USP9X: variants seen among roughly 807,000 people sequenced by gnomAD.
The protein encoded by USP9X is ubiquitin carboxyl-terminal hydrolase 9X.
A neutral mutation model predicts 190.3 loss-of-function variants in USP9X; 7 were observed. The observed-to-expected ratio is 0.04, with a 90% CI of 0.02 to 0.07. The LOEUF (loss-of-function observed/expected upper bound fraction) is 0.07, where lower values mean the gene tolerates loss of function less well. Among genes scored for constraint, USP9X ranks in the 10% least tolerant of loss-of-function variants. The pLI is 1.00. For synonymous variants in USP9X, 645 were observed against 659.5 expected (o/e 0.98, Z 0.34); for missense variants, 1,010 against 1,916.9 (o/e 0.53, Z 8.83).
chrX:41,172,030 A>G (rs1444422593), intron 21 of USP9X, 72 bp downstream of exon 21: 3 of 1,149,649 alleles, frequency 2.6e-6, no homozygotes, highest in African/African-American at 1.8e-5. Context: ...TCTGTTTCTA[A>G]ATGGACCGTG....
chrX:41,208,677 AT>A (rs376230706), intron 32 of USP9X, among the ~76,000 whole-genome samples: 34 of 105,384 alleles, frequency 3.2e-4, no homozygotes, highest in African/African-American at 4.1e-4. Context: ...TTTTTGGTTT[AT>A]TTTTTTTTTA....
chrX:41,171,573 T>C, intron 20 of USP9X: 1 of 336,324 alleles, frequency 3.0e-6, no homozygotes, highest in Non-Finnish European at 5.4e-6. Flanking sequence ...ATGTCCAGAG[T>C]CTAAATTGTA....
chrX:41,219,626 C>G (rs1399616782), intron 38 of USP9X, among the ~76,000 whole-genome samples: 1 of 111,076 alleles, frequency 9.0e-6, no homozygotes, highest in Non-Finnish European at 1.9e-5. Context: ...AGATAGCAGA[C>G]TTGGTCTGTA....
In USP9X at chrX:41,205,501, A is replaced by G. The variant is rs1437785958; in HGVS notation, c.5015+8A>G. 13 of 1,190,923 alleles carry G rather than the reference A, an allele frequency of 1.1e-5. No individual in the cohort carries two copies. The highest frequency in any genetic ancestry group is 5.3e-5 in the African/African-American group (3 of 56,746). The stretch of plus-strand genomic sequence containing the variant: ...ATTTTGGAAACAGTTCAGGTAAACT[A>G]TGGATGGACAGTAATAGAGATACTT... On this transcript the variant is annotated splice_region_variant and intron_variant, in intron 32 of 44. Transcript: ENST00000378308.
At chrX:41,087,149 TTAAA>T (rs1485319925) in intron 1 of USP9X, among the ~76,000 whole-genome samples, 5 of 113,017 alleles carry the variant, frequency 4.4e-5, no homozygotes, top group Non-Finnish European at 9.4e-5. Context: ...GTCTTTTAGT[TTAAA>T]TAAGCAAGTT....
At chrX:41,118,696 CA>C (rs1357697915) in intron 1 of USP9X, among the ~76,000 whole-genome samples, 7 of 111,156 alleles carry the variant, frequency 6.3e-5, no homozygotes, top group Non-Finnish European at 1.1e-4. Context: ...GGAAAAAAAA[CA>C]GACTCCCAGG....
chrX:41,135,289 A>G (rs755208776), intron 5 of USP9X, among the ~76,000 whole-genome samples: 3 of 110,842 alleles, frequency 2.7e-5, no homozygotes, highest in East Asian at 2.8e-4. Flanking sequence ...GCATATCTCA[A>G]CCTTGGCACT....
chrX:41,201,429 C>A, intron 31 of USP9X, 149 bp downstream of exon 31: 1 of 552,028 alleles, frequency 1.8e-6, no homozygotes, highest in Non-Finnish European at 2.8e-6. Context: ...GTGGTCTCAG[C>A]TACTCAGGAA....
intron 11 of USP9X, among the ~76,000 whole-genome samples, chrX:41,146,908 C>T (rs2062470481): frequency 9.1e-6 from 1 of 109,729 alleles, no homozygotes; most frequent in African/African-American, 3.3e-5. Flanking sequence ...AAGATGAGTA[C>T]ATGAAAAAAT....
intron 41 of USP9X, among the ~76,000 whole-genome samples, chrX:41,226,207 G>T (rs1418754018): frequency 8.9e-6 from 1 of 112,306 alleles, no homozygotes; most frequent in Non-Finnish European, 1.9e-5. Context: ...AGAACTTTTA[G>T]AATGTTAACT....
chrX:41,091,372 C>T (rs761947640), intron 1 of USP9X, among the ~76,000 whole-genome samples: 1 of 111,793 alleles, frequency 8.9e-6, no homozygotes, highest in Non-Finnish European at 1.9e-5. Flanking sequence ...ACTCTGGTGT[C>T]ACCCCTTACT....
chrX:41,154,130 T>C (rs7061943), intron 14 of USP9X, among the ~76,000 whole-genome samples: 3,964 of 111,612 alleles, frequency 0.036, 172 homozygotes, highest in African/African-American at 0.12. Context: ...TTCTTCCATT[T>C]ATCCCCTCGG....
At position 41,166,033 on chromosome X, in the gene USP9X, A is replaced by G; in HGVS notation, c.2147A>G (p.Asn716Ser). ...GAACCAGACTTAGATCCTGATATTA[A>G]TAAGGACTTCTTTGAAAGTAATGTG... ...GDEPDLDPDINKDFFESNVLQ... is the reference protein window; with the variant it reads ...GDEPDLDPDISKDFFESNVLQ... The change falls in exon 16 of 45, where the codon AAT becomes AGT. Residue 716 changes from asparagine (N) to serine (S), a missense_variant. Physicochemically the swap from Asn to Ser is conservative, Grantham distance 46 (BLOSUM62 1). Around this residue, in one of 11 missense-constraint regions of USP9X, gnomAD observed 104 missense variants for 239.8 expected, o/e 0.43. Coordinates refer to ENST00000378308, the MANE Select transcript of USP9X (RefSeq NM_001039591.3). 1 of 1,211,741 alleles carries G rather than the reference A, an allele frequency of 8.3e-7. No homozygotes were observed.
intron 15 of USP9X, among the ~76,000 whole-genome samples, chrX:41,163,912 C>T (rs1189524668): frequency 9.3e-6 from 1 of 107,123 alleles, no homozygotes; most frequent in East Asian, 3.0e-4. Context: ...GAGTCTCACT[C>T]TGTCGCCAGG....
Position 41,106,323 on chromosome X carries a change from C to T in USP9X, c.-158-17148C>T, listed in dbSNP as rs1250544427. 3.6e-5 allele frequency among the ~76,000 whole-genome samples: 4 copies of T among 110,422 alleles called. No individual in the cohort carries two copies. In the East Asian group the frequency reaches 1.1e-3, roughly 31 times the overall value. Reference sequence around the variant, plus strand: ...TAATTCATGTTGTTACTGGGAAACACTTCTATATGTAGTAGGCTCAACAAT... The same window carrying T: ...TAATTCATGTTGTTACTGGGAAACATTTCTATATGTAGTAGGCTCAACAAT... On this transcript the variant is annotated intron_variant, in intron 1 of 44. Transcript: ENST00000378308.
chrX:41,216,404 G>A lies in USP9X; in HGVS notation c.5837G>A (p.Trp1946Ter). The A allele has an allele frequency of 8.3e-7, 1 of 1,211,381 alleles. No individual in the cohort carries two copies. The highest frequency in any genetic ancestry group is 1.1e-6 in the Non-Finnish European group (1 of 895,468). The change falls in exon 35 of 45, where the codon TGG (tryptophan) becomes TAG (stop). Residue 1946 changes from tryptophan to a stop codon, truncating the protein, a stop_gained. Transcript: ENST00000378308. LOFTEE classifies it high-confidence loss of function. Reference protein sequence around the residue: ...RMSYRRQKRWWNAYILFYERM... With the variant: ...RMSYRRQKRW ...TCATACAGGCGCCAGAAAAGGTGGTGGAATGCTTATATACTTTTTTATGAA... is the reference window on the plus strand; with the variant it reads ...TCATACAGGCGCCAGAAAAGGTGGTAGAATGCTTATATACTTTTTTATGAA...
chrX:41,224,888 G>A lies in USP9X; in HGVS notation c.6898G>A (p.Val2300Ile), dbSNP rs746233262. The A allele has an allele frequency of 3.3e-6, 4 of 1,211,987 alleles. No homozygotes were observed. The highest frequency in any genetic ancestry group is 4.5e-6 in the Non-Finnish European group (4 of 895,571). The change falls in exon 40 of 45, where the codon GTC becomes ATC. Residue 2300 changes from valine to isoleucine, a missense_variant. Around this residue, in one of 11 missense-constraint regions of USP9X, gnomAD observed 121 missense variants for 281.2 expected, o/e 0.43. Coordinates refer to ENST00000378308, the MANE Select transcript of USP9X (RefSeq NM_001039591.3). ...AGACTGCAGTAATTCAGAGGAAACC[G>A]TCAAATTGCTTCGTTTTTGCTGCTG... ...IEDCSNSEETVKLLRFCCWEN... is the reference protein window; with the variant it reads ...IEDCSNSEETIKLLRFCCWEN...
rs772514669 is a variant in USP9X, at chrX:41,178,689, T to G, written c.3149-5309T>G. Among the ~76,000 whole-genome samples the G allele has an allele frequency of 1.2e-4, 13 of 112,055 alleles. No individual in the cohort carries two copies. In the South Asian group the frequency reaches 1.8e-3, roughly 16 times the overall value. On this transcript the variant is annotated intron_variant, in intron 21 of 44. Transcript: ENST00000378308. Reference sequence around the variant, plus strand: ...TGTCTTTTTGTGGTCTTATTTCCTTTGTTGGGTAGAAGCTTTTTAGTTTAA... The same window carrying G: ...TGTCTTTTTGTGGTCTTATTTCCTTGGTTGGGTAGAAGCTTTTTAGTTTAA...
intron 33 of USP9X, 84 bp downstream of exon 33, chrX:41,210,766 A>C (rs903195295): frequency 5.4e-6 from 5 of 926,161 alleles, no homozygotes; most frequent in Non-Finnish European, 7.5e-6. Context: ...ACTTACATAC[A>C]AAAGTGGAGT....
Sources: allele counts gnomAD v4.1 joint callset (sites outside exome capture counted in the v4.1 genomes callset), GRCh38; gene constraint gnomAD v4.1.1; regional missense constraint gnomAD v4.1.1; transcripts MANE v1.5; gene names NCBI Gene and HGNC (gene_info 2026-07-23, HGNC 2026-07-21).